Variants in PCM1 observed in about 807,000 individuals in gnomAD.
PCM1 encodes the protein pericentriolar material 1.
PCM1 carries 157 observed loss-of-function variants against 241.9 expected under a neutral mutation model. That is an observed-to-expected ratio of 0.65 (90% CI 0.57 to 0.74). The LOEUF (loss-of-function observed/expected upper bound fraction) is 0.74. Ranked by LOEUF, PCM1 falls within the 30% of genes least tolerant of loss-of-function variation. PCM1 has a pLI of 0.00. For synonymous variants in PCM1, 1,085 were observed against 784.9 expected (o/e 1.38, Z -6.39); for missense variants, 3,478 against 2,360.1 (o/e 1.47, Z -9.81).
rs574941076 is a variant in PCM1 at position 17,936,976 on chromosome 8, G to T, written c.97-158G>T. 3.3e-5 allele frequency among the ~76,000 whole-genome samples: 5 copies of T among 152,256 alleles called. No individual in the cohort carries two copies. The South Asian group carries it at 1.0e-3, about 32-fold the overall frequency. On this transcript the variant is annotated intron_variant, in intron 3 of 38. Coordinates refer to ENST00000325083, the MANE Select transcript of PCM1 (RefSeq NM_006197.4). Reference sequence around the variant, plus strand: ...AAGGTAGATGTAATGAGGGGAAAATGGGTTAATAGAAGTAAATATTTGTCT... The same window carrying T: ...AAGGTAGATGTAATGAGGGGAAAATTGGTTAATAGAAGTAAATATTTGTCT...
At chr8:17,928,874 C>T (rs2058054882) in intron 2 of PCM1, among the ~76,000 whole-genome samples, 1 of 152,058 alleles carries the variant, frequency 6.6e-6, no homozygotes, top group African/African-American at 2.4e-5. Flanking sequence ...TTAGATGACT[C>T]ACCCACCTCA....
At chr8:17,944,123 A>T (rs1323871542) in intron 6 of PCM1, among the ~76,000 whole-genome samples, 1 of 152,036 alleles carries the variant, frequency 6.6e-6, no homozygotes, top group Non-Finnish European at 1.5e-5. Flanking sequence ...CTTTCTTTGT[A>T]CCTTGTACCT....
intron 3 of PCM1, among the ~76,000 whole-genome samples, chr8:17,936,842 C>G (rs2060578491): frequency 6.6e-6 from 1 of 152,038 alleles, no homozygotes; most frequent in Non-Finnish European, 1.5e-5. Flanking sequence ...GTAAAAAAAT[C>G]CTCTTGGAAA....
chr8:17,996,949 C>G (rs932138489), intron 29 of PCM1, among the ~76,000 whole-genome samples: 4 of 152,084 alleles, frequency 2.6e-5, no homozygotes, highest in Non-Finnish European at 4.4e-5. Flanking sequence ...TTACACACCA[C>G]AATTACAGTG....
At position 17,955,530 on chromosome 8, in the gene PCM1, T is replaced by G; in HGVS notation, c.1349T>G (p.Leu450Trp). The G allele has an allele frequency of 1.2e-6, 2 of 1,613,790 alleles. No homozygotes were observed. ...TCAGCTCCCTCTGCTTCTGTAGGCT[T>G]GGCACCGGTTGTCAATGGAGAATCC... is the stretch of plus-strand genomic sequence containing the variant. ...STSAPSASVGLAPVVNGESNS... is the reference protein window; with the variant it reads ...STSAPSASVGWAPVVNGESNS... The change falls in exon 10 of 39, where the codon TTG becomes TGG. Residue 450 changes from leucine to tryptophan, a missense_variant. Transcript: ENST00000325083.
At chr8:17,992,339 G>C (rs1218480208) in intron 28 of PCM1, among the ~76,000 whole-genome samples, 2 of 152,096 alleles carry the variant, frequency 1.3e-5, no homozygotes, top group African/African-American at 2.4e-5. Flanking sequence ...CATAGTGGTT[G>C]TACTAGTTAG....
rs1383963217 is a variant in PCM1 at position 17,923,188 on chromosome 8, G to A, written c.-91G>A. On this transcript the variant is annotated splice_region_variant and 5_prime_UTR_variant, in exon 1 of 39. Transcript: ENST00000325083. ...GACAGGAGAGGCTGCTTCTTGTAGA[G>A]GTAATGCCTGCGCGTCCCCAGCCCT... 1 of 152,392 alleles carries A rather than the reference G, an allele frequency of 6.6e-6. No individual in the cohort carries two copies. Among genetic ancestry groups the A allele is most frequent in the South Asian group, 2.1e-4 (1 of 4,842 alleles). 9.4% of individuals were successfully genotyped at this position (152,392 alleles called of 1,614,324 possible). A position where few individuals can be genotyped will look rare whatever the true frequency, so the allele number is the denominator to read the frequency against.
intron 29 of PCM1, among the ~76,000 whole-genome samples, chr8:18,001,979 G>C (rs555678161): frequency 1.1e-5 from 1 of 94,908 alleles, no homozygotes; most frequent in Non-Finnish European, 2.1e-5. Context: ...TCCTTTTGCC[G>C]CTGCTTCTAA....
chr8:17,972,711 G>A, intron 23 of PCM1, 24 bp downstream of exon 23: 1 of 1,389,418 alleles, frequency 7.2e-7, no homozygotes, highest in Non-Finnish European at 9.6e-7. Context: ...TTTGTTGAAT[G>A]TTGATCAGTG....
intron 21 of PCM1, among the ~76,000 whole-genome samples, chr8:17,968,234 T>C (rs1301118651): frequency 2.6e-5 from 4 of 152,098 alleles, no homozygotes; most frequent in Non-Finnish European, 4.4e-5. Context: ...GGAAGAGTAA[T>C]TGATGTGGTT....
intron 2 of PCM1, chr8:17,925,170 G>C (rs891441697): frequency 3.3e-5 from 5 of 152,186 alleles, no homozygotes; most frequent in Middle Eastern, 6.8e-3. Flanking sequence ...AACTCTACTT[G>C]TCGAACTTGT....
chr8:17,946,549 T>TGCAA (rs1030097674), intron 6 of PCM1, among the ~76,000 whole-genome samples: 1 of 151,890 alleles, frequency 6.6e-6, no homozygotes, highest in African/African-American at 2.4e-5. Flanking sequence ...CAGGCTGGAG[T>TGCAA]GCAATGGTGC....
intron 23 of PCM1, among the ~76,000 whole-genome samples, chr8:17,976,049 G>T (rs567010861): frequency 5.2e-4 from 79 of 152,222 alleles, no homozygotes; most frequent in Non-Finnish European, 9.7e-4. Context: ...AGCCTTCTGG[G>T]TTCTTACTGT....
intron 23 of PCM1, among the ~76,000 whole-genome samples, chr8:17,979,085 C>G (rs1274430465): frequency 6.7e-6 from 1 of 149,828 alleles, no homozygotes; most frequent in African/African-American, 2.5e-5. Flanking sequence ...GACTGTGTCA[C>G]TGTACTTGAG....
rs771193843 is a variant in PCM1, at chr8:17,966,429, C to A, written c.3177C>A (p.Asn1059Lys). 6.2e-7 allele frequency: 1 copy of A among 1,613,722 alleles called. No homozygotes were observed. The highest frequency in any genetic ancestry group is 1.1e-5 in the South Asian group (1 of 91,066). The stretch of plus-strand genomic sequence containing the variant: ...TACACTTCATAATGCACCAGTTGAA[C>A]CAGTGCTATACTCAGCTAACATGGC... ...PQVHFIMHQL[N>K]QCYTQLTWQQ... The change falls in exon 20 of 39, where the codon AAC (asparagine) becomes AAA (lysine). Residue 1059 changes from asparagine (N) to lysine (K), a missense_variant. Transcript: ENST00000325083.
chr8:17,975,399 G>A (rs542050254), intron 23 of PCM1, among the ~76,000 whole-genome samples: 1 of 152,248 alleles, frequency 6.6e-6, no homozygotes, highest in African/African-American at 2.4e-5. Context: ...CCGATCTCAG[G>A]TGATCCACCC....
Position 17,972,369 on chromosome 8 carries a change from A to G in PCM1, c.3625A>G (p.Thr1209Ala). 6.4e-7 allele frequency: 1 copy of G among 1,569,736 alleles called. No individual in the cohort carries two copies. Among genetic ancestry groups the G allele is most frequent in the Non-Finnish European group, 8.6e-7 (1 of 1,157,592 alleles). Residue 1209 changes from threonine (T) to alanine (A), a missense_variant, in exon 23 of 39, where the codon ACA becomes GCA. Coordinates refer to ENST00000325083, the MANE Select transcript of PCM1 (RefSeq NM_006197.4). ...LPEEEVESSR[T>A]PWLYEQEGEV... ...TGAAGAGGAGGTGGAAAGCAGTAGG[A>G]CACCATGGTTATATGAACAAGAAGG...
intron 6 of PCM1, among the ~76,000 whole-genome samples, chr8:17,942,073 G>T (rs1283171081): frequency 6.6e-6 from 1 of 151,874 alleles, no homozygotes; most frequent in South Asian, 2.1e-4. Context: ...TATTAACAAA[G>T]GTTTTGAAAT....
chr8:18,019,582 G>A (rs2093596668), intron 36 of PCM1, among the ~76,000 whole-genome samples: 1 of 152,160 alleles, frequency 6.6e-6, no homozygotes, highest in African/African-American at 2.4e-5. Flanking sequence ...ACAGCATCAG[G>A]CATTAGAGTC....
Sources: gnomAD v4.1 joint callset for allele counts (sites outside exome capture counted in the v4.1 genomes callset) on GRCh38, gnomAD v4.1.1 for gene constraint, MANE v1.5 for transcripts, NCBI Gene and HGNC (gene_info 2026-07-23, HGNC 2026-07-21) for gene names.